Variants in CNTNAP2 observed in about 807,000 individuals in gnomAD.
The protein encoded by CNTNAP2 is contactin associated protein 2, also known as contactin-associated protein-like 2.
CNTNAP2 carries 98 observed loss-of-function variants against 155.2 expected under a neutral mutation model. The ratio of observed to expected loss-of-function variants is 0.63; its 90% CI spans 0.54 to 0.75. The LOEUF (loss-of-function observed/expected upper bound fraction) is 0.75, where lower values mean the gene tolerates loss of function less well. CNTNAP2 is among the 30% of genes least tolerant of loss of function. The pLI is 0.00. For synonymous variants in CNTNAP2, 651 were observed against 631.2 expected, an observed-to-expected ratio of 1.03 and a Z score of -0.47; for missense variants, 1,727 against 1,688.1, an observed-to-expected ratio of 1.02 and a Z score of -0.40.
intron 11 of CNTNAP2, among the ~76,000 whole-genome samples, chr7:147,509,187 G>T (rs757289135): frequency 4.6e-5 from 7 of 152,108 alleles, no homozygotes; most frequent in Non-Finnish European, 1.0e-4. Context: ...CTCTTTGATT[G>T]CAGGAAACAT....
At chr7:146,690,157 G>A (rs766979760) in intron 1 of CNTNAP2, among the ~76,000 whole-genome samples, 22 of 151,902 alleles carry the variant, frequency 1.4e-4, no homozygotes, top group Non-Finnish European at 2.8e-4. Context: ...TACTGGAATC[G>A]ATTTAAATAA....
intron 16 of CNTNAP2, among the ~76,000 whole-genome samples, chr7:148,124,535 G>A (rs147966058): frequency 4.7e-4 from 72 of 152,220 alleles, no homozygotes; most frequent in Middle Eastern, 3.4e-3. Flanking sequence ...GCTGGGAGGC[G>A]CTGGGGAAGC....
chr7:146,671,429 T>TCACACACACACACA (rs147594471), intron 1 of CNTNAP2, among the ~76,000 whole-genome samples: 4,390 of 148,204 alleles, frequency 0.03, 96 homozygotes, highest in East Asian at 0.09. Context: ...TTTTTGTCAC[T>TCACACACACACACA]CACACACACA....
intron 2 of CNTNAP2, among the ~76,000 whole-genome samples, chr7:146,826,377 G>A (rs774909901): frequency 6.6e-6 from 1 of 152,116 alleles, no homozygotes; most frequent in Admixed American, 6.6e-5. Context: ...ATATCCTGCT[G>A]TAAACAGTTC....
intron 10 of CNTNAP2, among the ~76,000 whole-genome samples, chr7:147,427,768 T>C (rs1250387556): frequency 1.3e-5 from 2 of 152,192 alleles, no homozygotes; most frequent in African/African-American, 4.8e-5. Flanking sequence ...CTGCCTGTTA[T>C]TCATTTTCCA....
intron 18 of CNTNAP2, among the ~76,000 whole-genome samples, chr7:148,205,059 C>T (rs992795393): frequency 2.6e-5 from 4 of 152,212 alleles, no homozygotes; most frequent in East Asian, 1.9e-4. Flanking sequence ...CAAGAGTCCT[C>T]GCTGAATCAA....
At chr7:147,639,072 T>A in intron 12 of CNTNAP2, 34 bp from the exon 13 acceptor site, 1 of 1,604,234 alleles carries the variant, frequency 6.2e-7, no homozygotes, top group Non-Finnish European at 8.5e-7. Flanking sequence ...TGCATACTAA[T>A]GATCCAGGGT....
intron 13 of CNTNAP2, among the ~76,000 whole-genome samples, chr7:147,724,171 A>G (rs1796607575): frequency 6.6e-6 from 1 of 152,036 alleles, no homozygotes; most frequent in Admixed American, 6.6e-5. Context: ...ATTTCCCAAA[A>G]GAAGGCCTAC....
At chr7:148,233,512 T>G (rs1285548624) in intron 20 of CNTNAP2, among the ~76,000 whole-genome samples, 1 of 152,188 alleles carries the variant, frequency 6.6e-6, no homozygotes, top group Non-Finnish European at 1.5e-5. Flanking sequence ...CTAAGCCAGT[T>G]CCTCTTGAGA....
intron 11 of CNTNAP2, among the ~76,000 whole-genome samples, chr7:147,540,770 G>T (rs899713459): frequency 1.3e-5 from 2 of 151,730 alleles, no homozygotes; most frequent in Admixed American, 6.6e-5. Context: ...GTTGGAGGTC[G>T]CAATGAGCCG....
chr7:146,709,474 T>C (rs1180079730), intron 1 of CNTNAP2, among the ~76,000 whole-genome samples: 1 of 152,184 alleles, frequency 6.6e-6, no homozygotes, highest in Non-Finnish European at 1.5e-5. Context: ...TTGGGGAACC[T>C]TACTTCTGAG....
intron 1 of CNTNAP2, among the ~76,000 whole-genome samples, chr7:146,388,527 G>A (rs914648364): frequency 6.6e-6 from 1 of 152,108 alleles, no homozygotes; most frequent in Non-Finnish European, 1.5e-5. Context: ...ATATTTTGAT[G>A]CAGGCATGCA....
intron 1 of CNTNAP2, among the ~76,000 whole-genome samples, chr7:146,679,815 C>T (rs1174885084): frequency 1.3e-5 from 2 of 152,070 alleles, no homozygotes; most frequent in Non-Finnish European, 2.9e-5. Context: ...TACTTGACTT[C>T]AATTGATGGG....
chr7:146,984,305 T>G (rs182859783), intron 3 of CNTNAP2, among the ~76,000 whole-genome samples: 65 of 148,638 alleles, frequency 4.4e-4, no homozygotes, highest in Non-Finnish European at 6.8e-4. Flanking sequence ...AGGCTGAGGT[T>G]GTGGTGAGCC....
At chr7:148,237,996 C>A (rs1796073261) in intron 20 of CNTNAP2, among the ~76,000 whole-genome samples, 1 of 152,184 alleles carries the variant, frequency 6.6e-6, no homozygotes, top group Non-Finnish European at 1.5e-5. Context: ...CCATTCTCAG[C>A]CTTATGAACT....
At chr7:147,478,745 A>G (rs1263892564) in intron 10 of CNTNAP2, among the ~76,000 whole-genome samples, 1 of 152,198 alleles carries the variant, frequency 6.6e-6, no homozygotes, top group East Asian at 1.9e-4. Flanking sequence ...ACTTAGCCAC[A>G]GGGCCATGTA....
chr7:147,545,208 G>T (rs1168737097), intron 11 of CNTNAP2, among the ~76,000 whole-genome samples: 1 of 151,962 alleles, frequency 6.6e-6, no homozygotes, highest in Non-Finnish European at 1.5e-5. Flanking sequence ...GTGGGCCCTG[G>T]GCACGATGCC....
intron 13 of CNTNAP2, among the ~76,000 whole-genome samples, chr7:147,684,975 AC>A (rs1795996424): frequency 1.3e-5 from 2 of 151,792 alleles, no homozygotes; most frequent in Admixed American, 1.3e-4. Context: ...TGGGTAGATC[AC>A]TTCCTTTTCA....
intron 1 of CNTNAP2, among the ~76,000 whole-genome samples, chr7:146,346,171 G>A (rs1277183876): frequency 1.3e-5 from 2 of 152,156 alleles, no homozygotes; most frequent in African/African-American, 4.8e-5. Context: ...CGTGGACCTG[G>A]TACCTGTAGT....
Sources: allele counts gnomAD v4.1 joint callset (sites outside exome capture counted in the v4.1 genomes callset), GRCh38; gene constraint gnomAD v4.1.1; transcripts MANE v1.5; gene names NCBI Gene and HGNC (gene_info 2026-07-23, HGNC 2026-07-21).